GPHN: variants seen among roughly 807,000 people sequenced by gnomAD.
The protein encoded by GPHN is gephyrin.
A neutral mutation model predicts 95.5 loss-of-function variants in GPHN; 17 were observed. The observed-to-expected ratio is 0.18, with a 90% CI of 0.12 to 0.27. The LOEUF (loss-of-function observed/expected upper bound fraction) is 0.27. Among genes scored for constraint, GPHN ranks in the 10% least tolerant of loss-of-function variants. The pLI, the probability that GPHN is intolerant of heterozygous loss-of-function variation, is 1.00. For synonymous variants in GPHN, 320 were observed against 322.5 expected, an observed-to-expected ratio of 0.99 and a Z score of 0.08; for missense variants, 660 against 978.1, an observed-to-expected ratio of 0.67 and a Z score of 4.34.
chr14:67,222,764 C>T, the GPHN span, among the ~76,000 whole-genome samples: 1 of 152,032 alleles, frequency 6.6e-6, no homozygotes, highest in Non-Finnish European at 1.5e-5. Context: ...AAGTTACTTT[C>T]AAACCTGGGA....
chr14:67,315,111 A>G, the GPHN span, among the ~76,000 whole-genome samples: 4 of 151,816 alleles, frequency 2.6e-5, no homozygotes, highest in Non-Finnish European at 5.9e-5. Flanking sequence ...AATCATTTCC[A>G]TCTCTCATTA....
At chr14:67,700,232 A>G in the GPHN span, among the ~76,000 whole-genome samples, 2 of 152,250 alleles carry the variant, frequency 1.3e-5, no homozygotes, top group Non-Finnish European at 1.5e-5. Context: ...GGAAACTTGT[A>G]TCTTAAGCAG....
chr14:67,121,118 C>T (rs1400830593), intron 16 of GPHN, among the ~76,000 whole-genome samples: 1 of 152,098 alleles, frequency 6.6e-6, no homozygotes, highest in Non-Finnish European at 1.5e-5. Flanking sequence ...CCTTTAACCT[C>T]CTAAAATAAT....
At chr14:66,579,592 G>T (rs535354461) in intron 1 of GPHN, among the ~76,000 whole-genome samples, 1 of 151,658 alleles carries the variant, frequency 6.6e-6, no homozygotes, top group African/African-American at 2.4e-5. Flanking sequence ...ATAAAAAATT[G>T]TGAGAAGAGG....
intron 6 of GPHN, among the ~76,000 whole-genome samples, chr14:66,919,139 T>C (rs1596369339): frequency 6.6e-6 from 1 of 152,218 alleles, no homozygotes; most frequent in Admixed American, 6.5e-5. Context: ...TTGCTTGCTG[T>C]ACAATGTTAC....
At chr14:67,174,017 A>G (rs1027186802) in intron 21 of GPHN, among the ~76,000 whole-genome samples, 6 of 152,206 alleles carry the variant, frequency 3.9e-5, no homozygotes, top group African/African-American at 1.4e-4. Flanking sequence ...AAAAAAAGAA[A>G]TAACAATGAA....
At chr14:66,986,813 C>T (rs1179677297) in intron 9 of GPHN, among the ~76,000 whole-genome samples, 2 of 152,122 alleles carry the variant, frequency 1.3e-5, no homozygotes, top group Non-Finnish European at 2.9e-5. Flanking sequence ...AATTTATTTC[C>T]ATTTTACAAT....
chr14:67,243,489 ATTTTTTT>A, the GPHN span, among the ~76,000 whole-genome samples: 1 of 100,292 alleles, frequency 1.0e-5, no homozygotes, highest in Admixed American at 1.2e-4. Flanking sequence ...CCAGAATATA[ATTTTTTT>A]TTTTTTTTTT....
intron 2 of GPHN, among the ~76,000 whole-genome samples, chr14:66,732,777 A>G (rs768599217): frequency 5.3e-5 from 8 of 152,078 alleles, no homozygotes; most frequent in Non-Finnish European, 8.8e-5. Flanking sequence ...GGCCTCCCAA[A>G]TTGCTGGGGT....
rs1255717203 is a variant in GPHN, at chr14:66,508,399, C to T, written c.-129C>T. On this transcript the variant is annotated 5_prime_UTR_variant, in exon 1 of 23. Transcript: ENST00000478722. ...TGCACTCTGTGGCCTCCCCCTCCTT[C>T]CCCGCTCTCCTCGCGCTTCTCTGGC... 1 of 854,880 alleles carries T rather than the reference C, an allele frequency of 1.2e-6. No individual in the cohort carries two copies. Among genetic ancestry groups the T allele is most frequent in the Non-Finnish European group, 2.0e-6 (1 of 495,676 alleles). The allele number at this position is 854,880 out of a possible 1,614,324, so 53.0% of individuals were successfully genotyped here.
At chr14:66,669,035 C>A (rs1449287952) in intron 1 of GPHN, among the ~76,000 whole-genome samples, 1 of 151,578 alleles carries the variant, frequency 6.6e-6, no homozygotes, top group Non-Finnish European at 1.5e-5. Context: ...CAGGGTTTGG[C>A]TATGTTAGCT....
At chr14:67,119,323 C>T (rs191706530) in intron 16 of GPHN, among the ~76,000 whole-genome samples, 1 of 152,278 alleles carries the variant, frequency 6.6e-6, no homozygotes, top group Admixed American at 6.5e-5. Flanking sequence ...GTAGGCAAGG[C>T]AGCCAATTAT....
At chr14:67,586,888 A>G in the GPHN span, 1 of 1,526,898 alleles carries the variant, frequency 6.5e-7, no homozygotes, top group Admixed American at 2.0e-5. Flanking sequence ...GACCAACAGG[A>G]GCCCACACCA....
chr14:67,286,906 G>A, the GPHN span, among the ~76,000 whole-genome samples: 1 of 148,554 alleles, frequency 6.7e-6, no homozygotes, highest in Non-Finnish European at 1.5e-5. Flanking sequence ...ATACGTATTT[G>A]TGAAGTGCTT....
chr14:67,034,665 T>C (rs912358139), intron 10 of GPHN, among the ~76,000 whole-genome samples: 1 of 152,128 alleles, frequency 6.6e-6, no homozygotes, highest in African/African-American at 2.4e-5. Context: ...AGACAAAATA[T>C]AGACTTTAGG....
chr14:67,716,742 G>C, the GPHN span, among the ~76,000 whole-genome samples: 2 of 152,130 alleles, frequency 1.3e-5, no homozygotes, highest in Non-Finnish European at 2.9e-5. Context: ...AAATTAGCCA[G>C]ATGTGGTGGC....
At chr14:67,225,791 T>C in the GPHN span, among the ~76,000 whole-genome samples, 2 of 152,160 alleles carry the variant, frequency 1.3e-5, no homozygotes, top group African/African-American at 2.4e-5. Context: ...AAACACCAGC[T>C]CTGCAGTGCG....
chr14:67,131,614 T>A (rs1335068503), intron 17 of GPHN, among the ~76,000 whole-genome samples: 1 of 152,174 alleles, frequency 6.6e-6, no homozygotes, highest in Non-Finnish European at 1.5e-5. Flanking sequence ...TAAAGCTTTG[T>A]GGCTGGGTGG....
At chr14:67,160,822 C>A (rs993070719) in intron 19 of GPHN, among the ~76,000 whole-genome samples, 3 of 152,150 alleles carry the variant, frequency 2.0e-5, no homozygotes, top group Non-Finnish European at 1.5e-5. Context: ...CATGTCAGTT[C>A]TAGGATAGAG....
Sources: gnomAD v4.1 joint callset for allele counts (sites outside exome capture counted in the v4.1 genomes callset) on GRCh38, gnomAD v4.1.1 for gene constraint, MANE v1.5 for transcripts, NCBI Gene and HGNC (gene_info 2026-07-23, HGNC 2026-07-21) for gene names.